Variants in SUN3 observed in about 807,000 individuals in gnomAD.
SUN3 encodes SUN domain-containing protein 3.
In SUN3, 36 loss-of-function variants were observed where a neutral mutation model predicts 48.2. That is an observed-to-expected ratio of 0.75 (90% CI 0.57 to 0.99). SUN3 has a LOEUF of 0.99. SUN3 is among the 50% of genes least tolerant of loss of function. The pLI is 0.00. For synonymous variants in SUN3, 148 were observed against 147.9 expected (o/e 1.00, Z 0.00); for missense variants, 419 against 433.1 (o/e 0.97, Z 0.29).
intron 7 of SUN3, among the ~76,000 whole-genome samples, chr7:47,995,535 T>C (rs1789186122): frequency 6.6e-6 from 1 of 152,240 alleles, no homozygotes; most frequent in African/African-American, 2.4e-5. Context: ...CTCTGCTGTC[T>C]ATTGATGGCT....
At chr7:48,028,105 A>G (rs961105832) in intron 1 of SUN3, among the ~76,000 whole-genome samples, 21 of 152,156 alleles carry the variant, frequency 1.4e-4, no homozygotes, top group African/African-American at 4.3e-4. Context: ...TGTGATTTTG[A>G]AATGCTGCTC....
At chr7:48,035,603 A>G in the SUN3 span, 1 of 693,406 alleles carries the variant, frequency 1.4e-6, no homozygotes, top group African/African-American at 1.8e-5. The surrounding 1 kb of genome is among the most constrained non-coding windows in gnomAD (Gnocchi z 4.0). Context: ...CGCCGCGGGC[A>G]GCACCCACGG....
chr7:47,990,496 GGGTCCTCCGTATGCTGAGCGCT>G (rs1368370162), intron 8 of SUN3, among the ~76,000 whole-genome samples: 1 of 151,004 alleles, frequency 6.6e-6, no homozygotes, highest in African/African-American at 2.4e-5. Context: ...GTGCCGGCGC[GGGTCCTCCGTATGCTGAGCGCT>G]GGTCCCCTGG....
chr7:48,012,962 C>T (rs1268535866), intron 3 of SUN3, among the ~76,000 whole-genome samples: 1 of 152,196 alleles, frequency 6.6e-6, no homozygotes, highest in Non-Finnish European at 1.5e-5. Context: ...ATGCACATGC[C>T]TTGATCTTGG....
intron 1 of SUN3, among the ~76,000 whole-genome samples, chr7:48,028,254 G>A (rs879374455): frequency 2.0e-5 from 3 of 151,900 alleles, no homozygotes; most frequent in Non-Finnish European, 4.4e-5. Context: ...CACATGGGCA[G>A]GGCGTTTGTA....
the SUN3 span, among the ~76,000 whole-genome samples, chr7:48,035,360 G>T: frequency 6.6e-6 from 1 of 151,814 alleles, no homozygotes; most frequent in Non-Finnish European, 1.5e-5. The surrounding 1 kb of genome is among the most constrained non-coding windows in gnomAD (Gnocchi z 4.0). Flanking sequence ...GCCCTGGTCC[G>T]GCTCTGGGCT....
intron 6 of SUN3, among the ~76,000 whole-genome samples, chr7:47,998,440 G>GT (rs61247150): frequency 0.062 from 9,389 of 152,154 alleles, 959 homozygotes; most frequent in African/African-American, 0.21. Flanking sequence ...AAGCTTGACA[G>GT]TTTTTTATAA....
Position 47,987,444 on chromosome 7 carries a change from T to G in SUN3, c.960A>C (p.Ala320=). 6.4e-7 allele frequency: 1 copy of G among 1,559,946 alleles called. No homozygotes were observed. The highest frequency in any genetic ancestry group is 8.7e-7 in the Non-Finnish European group (1 of 1,155,770). Residue 320 remains alanine, a synonymous_variant, in exon 10 of 10, where the codon GCA becomes GCC. Coordinates refer to ENST00000297325, the MANE Select transcript of SUN3 (RefSeq NM_001030019.2). The part of the protein sequence containing the change: ...TTVQTFELQH[A]VSEYLLCVKL... Reference sequence around the variant, plus strand: ...TCACACATAATAAATATTCAGAAACTGCATGCTGAAAATAAAGAAAAGAAA... The same window carrying G: ...TCACACATAATAAATATTCAGAAACGGCATGCTGAAAATAAAGAAAAGAAA...
chr7:48,026,339 T>G (rs1292088246), intron 1 of SUN3, among the ~76,000 whole-genome samples: 4 of 152,188 alleles, frequency 2.6e-5, no homozygotes, highest in African/African-American at 7.2e-5. Context: ...ATGGAAATTT[T>G]GTACTAAGCT....
At chr7:48,010,959 A>G (rs1483349734) in intron 3 of SUN3, among the ~76,000 whole-genome samples, 1 of 150,922 alleles carries the variant, frequency 6.6e-6, no homozygotes, top group Non-Finnish European at 1.5e-5. Flanking sequence ...TTGTGGCTGC[A>G]TCACTCCAGT....
the SUN3 span, among the ~76,000 whole-genome samples, chr7:48,034,561 C>A: frequency 6.6e-6 from 1 of 152,198 alleles, no homozygotes; most frequent in African/African-American, 2.4e-5. Flanking sequence ...CTCTCACAAG[C>A]GGTTACCACC....
intron 1 of SUN3, 138 bp downstream of exon 1, chr7:48,028,679 G>A: frequency 2.6e-6 from 3 of 1,134,064 alleles, no homozygotes; most frequent in Non-Finnish European, 3.7e-6. Context: ...ACCTTCAAAG[G>A]AAACTATTGA....
intron 3 of SUN3, among the ~76,000 whole-genome samples, 172 bp downstream of exon 3, chr7:48,017,089 GT>G (rs1402897232): frequency 7.2e-5 from 11 of 152,144 alleles, no homozygotes; most frequent in Non-Finnish European, 1.3e-4. Context: ...TCAGCATGAG[GT>G]TTGGTGGTCA....
chr7:48,003,803 CG>C (rs1789454300), intron 6 of SUN3, among the ~76,000 whole-genome samples: 2 of 152,074 alleles, frequency 1.3e-5, no homozygotes, highest in South Asian at 4.1e-4. Context: ...AAGAAGCTTT[CG>C]GGCTGAGACT....
chr7:48,018,103 T>C (rs1421193803), intron 2 of SUN3, among the ~76,000 whole-genome samples: 1 of 152,102 alleles, frequency 6.6e-6, no homozygotes. Flanking sequence ...AGATACTGGG[T>C]TGCACCTCTG....
intron 8 of SUN3, among the ~76,000 whole-genome samples, chr7:47,990,270 G>T (rs1789017393): frequency 6.6e-6 from 1 of 152,214 alleles, no homozygotes. Flanking sequence ...GGTAAGACAT[G>T]CTGGCAGCAA....
Position 47,991,097 on chromosome 7 carries a change from C to CA in SUN3, c.862-2218dup, listed in dbSNP as rs1463595621. 3.8e-5 allele frequency: 17 copies of CA among 449,486 alleles called. No individual in the cohort carries two copies. The East Asian group carries it at 4.2e-4, about 11-fold the overall frequency. 27.8% of individuals were successfully genotyped at this position (449,486 alleles called of 1,614,324 possible). A position where few individuals can be genotyped will look rare whatever the true frequency, so the allele number is the denominator to read the frequency against. Reference sequence around the variant, plus strand: ...AAATAAACAACAAAACAAAACAAACCAAAAAAACGGGGTCTGGCCATGCTG... The same window carrying CA: ...AAATAAACAACAAAACAAAACAAACCAAAAAAAACGGGGTCTGGCCATGCTG... On this transcript the variant is annotated intron_variant, in intron 8 of 9. Transcript: ENST00000297325.
upstream of SUN3, among the ~76,000 whole-genome samples, chr7:48,031,646 T>C (rs1790257613): frequency 1.3e-5 from 2 of 152,180 alleles, no homozygotes; most frequent in African/African-American, 4.8e-5. Context: ...GGAAGTGCCT[T>C]AAAAAATTAA....
chr7:47,994,243 G>A (rs1789140952), intron 8 of SUN3, 72 bp downstream of exon 8: 1 of 1,467,018 alleles, frequency 6.8e-7, no homozygotes, highest in Non-Finnish European at 9.4e-7. Flanking sequence ...TAGTTCAGAG[G>A]ACAGCCCCTA....
Sources: gnomAD v4.1 joint callset for allele counts (sites outside exome capture counted in the v4.1 genomes callset) on GRCh38, gnomAD v4.1.1 for gene constraint, Gnocchi (gnomAD v3.1) non-coding constraint, MANE v1.5 for transcripts, NCBI Gene and HGNC (gene_info 2026-07-23, HGNC 2026-07-21) for gene names.